Variants in GPHN observed in about 807,000 individuals in gnomAD.
GPHN encodes gephyrin.
A neutral mutation model predicts 95.5 loss-of-function variants in GPHN; 17 were observed. The ratio of observed to expected loss-of-function variants is 0.18; its 90% CI spans 0.12 to 0.27. GPHN has a LOEUF of 0.27. Ranked by LOEUF, GPHN falls within the 10% of genes least tolerant of loss-of-function variation. The probability of loss-of-function intolerance (pLI) is 1.00; values close to 1 mark genes in which losing one functional copy is unlikely to be tolerated. For synonymous variants in GPHN, 320 were observed against 322.5 expected (o/e 0.99, Z 0.08); for missense variants, 660 against 978.1 (o/e 0.67, Z 4.34).
At chr14:67,279,045 C>T in the GPHN span, 1 of 849,516 alleles carries the variant, frequency 1.2e-6, no homozygotes, top group Non-Finnish European at 1.7e-6. Context: ...TTTTTCATAG[C>T]ATTATTATGT....
the GPHN span, chr14:67,588,336 G>C: frequency 6.6e-6 from 1 of 152,564 alleles, no homozygotes; most frequent in African/African-American, 2.4e-5. Context: ...GCTGCTGTAA[G>C]ACCACCAAAA....
intron 1 of GPHN, among the ~76,000 whole-genome samples, chr14:66,521,441 T>G (rs977821096): frequency 2.6e-5 from 4 of 152,092 alleles, no homozygotes; most frequent in South Asian, 2.1e-4. Context: ...CAGAATCACA[T>G]AGAGAGAGTA....
At chr14:67,713,465 A>C in the GPHN span, among the ~76,000 whole-genome samples, 2 of 149,342 alleles carry the variant, frequency 1.3e-5, no homozygotes, top group Admixed American at 6.7e-5. Flanking sequence ...TCTTGACCAA[A>C]TTTTGGGACA....
At position 66,774,281 on chromosome 14, in the gene GPHN, C is replaced by T. The variant is rs1386387440; in HGVS notation, c.144-2183C>T. Among the ~76,000 whole-genome samples the T allele has an allele frequency of 5.3e-5, 8 of 152,242 alleles. 1 individual carries two copies. Among genetic ancestry groups the T allele is most frequent in the African/African-American group, 1.4e-4 (6 of 41,560 alleles). The stretch of plus-strand genomic sequence containing the variant: ...GCTCCCAAAGTGCTGGGATTACAGG[C>T]ATGAGCCACCGCGCCCGGCCATATC... On this transcript the variant is annotated intron_variant, in intron 2 of 22. Coordinates refer to ENST00000478722, the MANE Select transcript of GPHN (RefSeq NM_020806.5).
chr14:66,637,699 C>G (rs181059215), intron 1 of GPHN, among the ~76,000 whole-genome samples: 2 of 152,016 alleles, frequency 1.3e-5, no homozygotes, highest in South Asian at 4.1e-4. Context: ...AAATCAAAAT[C>G]ATGTGTATTA....
chr14:66,695,243 A>G lies in GPHN; in HGVS notation c.143+14058A>G, dbSNP rs532840546. 7.9e-5 allele frequency among the ~76,000 whole-genome samples: 12 copies of G among 152,324 alleles called. No homozygotes were observed. The South Asian group carries it at 2.5e-3, about 32-fold the overall frequency. On this transcript the variant is annotated intron_variant, in intron 2 of 22. Transcript: ENST00000478722. ...AAGACCTTAACAAACACCTCACCAA[A>G]GAAGATATACAGATGTCAAATAAGT...
intron 1 of GPHN, among the ~76,000 whole-genome samples, chr14:66,611,032 T>G (rs1192412319): frequency 6.6e-6 from 1 of 152,158 alleles, no homozygotes; most frequent in Non-Finnish European, 1.5e-5. Context: ...AGTGCACAGA[T>G]GGGCCTAGGA....
At chr14:67,292,162 TAAAAAG>T in the GPHN span, among the ~76,000 whole-genome samples, 224 of 152,208 alleles carry the variant, frequency 1.5e-3, no homozygotes, top group Non-Finnish European at 2.6e-3. Context: ...AATGTACTGT[TAAAAAG>T]GAAATAGGAT....
intron 2 of GPHN, among the ~76,000 whole-genome samples, chr14:66,693,326 T>C (rs1351277483): frequency 6.6e-6 from 1 of 152,232 alleles, no homozygotes; most frequent in Non-Finnish European, 1.5e-5. Context: ...ATTATTTGTT[T>C]TGCTATTTTA....
intron 11 of GPHN, among the ~76,000 whole-genome samples, chr14:67,070,747 T>A (rs1046194701): frequency 1.4e-5 from 2 of 141,190 alleles, no homozygotes; most frequent in Non-Finnish European, 3.0e-5. Context: ...GCATTCTGTA[T>A]ATGTGCTTTC....
At chr14:67,595,800 G>A in the GPHN span, among the ~76,000 whole-genome samples, 3 of 152,142 alleles carry the variant, frequency 2.0e-5, no homozygotes, top group East Asian at 3.9e-4. Flanking sequence ...AGGACCAGGT[G>A]GAGGACAAGT....
chr14:66,810,969 A>G (rs2060736610), intron 3 of GPHN, among the ~76,000 whole-genome samples: 2 of 152,348 alleles, frequency 1.3e-5, no homozygotes, highest in Admixed American at 1.3e-4. Flanking sequence ...CAGTTTGTCA[A>G]TGTGAAAAAC....
intron 13 of GPHN, among the ~76,000 whole-genome samples, chr14:67,101,767 T>C (rs2077707630): frequency 2.0e-5 from 3 of 151,796 alleles, no homozygotes; most frequent in African/African-American, 7.2e-5. Context: ...CATTTCTTTT[T>C]AGCAGCATTT....
At chr14:67,618,671 A>G in the GPHN span, among the ~76,000 whole-genome samples, 2 of 152,040 alleles carry the variant, frequency 1.3e-5, no homozygotes, top group Non-Finnish European at 2.9e-5. Context: ...GTGAGTCACC[A>G]TGTGCAGCCA....
chr14:67,704,049 C>T, the GPHN span, among the ~76,000 whole-genome samples: 7 of 152,120 alleles, frequency 4.6e-5, no homozygotes, highest in African/African-American at 9.7e-5. Context: ...CTGTTGGATT[C>T]GTATTTTTAT....
At chr14:66,773,834 AGTGCT>A (rs902466893) in intron 2 of GPHN, among the ~76,000 whole-genome samples, 27 of 152,102 alleles carry the variant, frequency 1.8e-4, no homozygotes, top group African/African-American at 6.3e-4. Flanking sequence ...GGATTCCAGA[AGTGCT>A]GGGATTATTG....
intron 2 of GPHN, among the ~76,000 whole-genome samples, chr14:66,712,496 T>C (rs570118780): frequency 1.3e-5 from 2 of 152,290 alleles, no homozygotes; most frequent in African/African-American, 4.8e-5. Flanking sequence ...CTTTGTCAGA[T>C]GGGTAGATTG....
chr14:67,656,468 A>G, the GPHN span: 1 of 1,613,020 alleles, frequency 6.2e-7, no homozygotes, highest in Non-Finnish European at 8.5e-7. Context: ...CTCTTCTATG[A>G]TTTCTGAGCC....
intron 5 of GPHN, among the ~76,000 whole-genome samples, chr14:66,890,552 A>G (rs920347596): frequency 6.6e-6 from 1 of 152,214 alleles, no homozygotes; most frequent in African/African-American, 2.4e-5. Context: ...AAAATTGAAG[A>G]GAAGACAACA....
Sources: gnomAD v4.1 joint callset for allele counts (sites outside exome capture counted in the v4.1 genomes callset) on GRCh38, gnomAD v4.1.1 for gene constraint, MANE v1.5 for transcripts, NCBI Gene and HGNC (gene_info 2026-07-23, HGNC 2026-07-21) for gene names.